Variants in ADGRL2 observed in about 807,000 individuals in gnomAD.
ADGRL2 encodes calcium-independent alpha-latrotoxin receptor 2.
A neutral mutation model predicts 157.4 loss-of-function variants in ADGRL2; 44 were observed. The observed-to-expected ratio is 0.28, with a 90% CI of 0.22 to 0.36. ADGRL2 has a LOEUF of 0.36. ADGRL2 is among the 10% of genes least tolerant of loss of function. ADGRL2 has a pLI of 1.00. For missense variants in ADGRL2, 1,510 were observed against 1,768.9 expected (o/e 0.85, Z 2.63); for synonymous variants, 585 against 624.7 (o/e 0.94, Z 0.95).
intron 1 of ADGRL2, among the ~76,000 whole-genome samples, chr1:81,414,876 G>A (rs147881428): frequency 3.7e-4 from 56 of 152,244 alleles, no homozygotes; most frequent in South Asian, 6.2e-4. Flanking sequence ...CCTCCCAGTT[G>A]CAAAGGAAAA....
At chr1:81,958,444 G>A (rs1461764709) in intron 11 of ADGRL2, among the ~76,000 whole-genome samples, 2 of 151,892 alleles carry the variant, frequency 1.3e-5, no homozygotes, top group South Asian at 2.1e-4. Flanking sequence ...ATTTCTCTAT[G>A]TTCCCACTCC....
chr1:81,764,972 G>A (rs538480256), intron 2 of ADGRL2, among the ~76,000 whole-genome samples: 3 of 152,026 alleles, frequency 2.0e-5, no homozygotes, highest in Non-Finnish European at 2.9e-5. Context: ...TCCATATTTC[G>A]TTGAAAGTCT....
intron 1 of ADGRL2, among the ~76,000 whole-genome samples, chr1:81,351,896 T>C (rs1419546458): frequency 6.6e-6 from 1 of 152,244 alleles, no homozygotes; most frequent in Non-Finnish European, 1.5e-5. Flanking sequence ...TCTAAAATTA[T>C]ACAAAAGTGC....
chr1:81,993,043 CATATATATAATATACATAT>C lies in ADGRL2; in HGVS notation c.*1908_*1926del, dbSNP rs1305122561. ...AGGAATGAGATTTAAAAATTAAGTG[CATATATATAATATACATAT>C]ATATATATATATATATATATATATA... On this transcript the variant is annotated 3_prime_UTR_variant, in exon 24 of 24. Transcript: ENST00000686636. Among the ~76,000 whole-genome samples, 4 of 106,984 alleles carry C rather than the reference CATATATATAATATACATAT, an allele frequency of 3.7e-5. No individual in the cohort carries two copies. The highest frequency in any genetic ancestry group is 1.6e-4 in the African/African-American group (4 of 25,710). 70.2% of individuals were successfully genotyped at this position (106,984 alleles called of 152,430 possible). A position where few individuals can be genotyped will look rare whatever the true frequency, so the allele number is the denominator to read the frequency against.
intron 2 of ADGRL2, among the ~76,000 whole-genome samples, chr1:81,884,585 A>T (rs747342427): frequency 1.3e-5 from 2 of 152,184 alleles, no homozygotes. Context: ...AACACTATGT[A>T]TCTGCTCTTT....
At chr1:81,654,611 C>A (rs1184820217) in intron 3 of ADGRL2, among the ~76,000 whole-genome samples, 1 of 152,208 alleles carries the variant, frequency 6.6e-6, no homozygotes, top group Admixed American at 6.5e-5. Context: ...TATTCAAGAG[C>A]CTTCATGCTT....
chr1:81,570,526 C>T lies in ADGRL2; in HGVS notation c.-247-10350C>T, dbSNP rs2080663654. ...GCCTCAGCCTCCCAAGTAGCTGGGG[C>T]TACAGGCGTGTGCCACCACACCAGG... is the stretch of plus-strand genomic sequence containing the variant. On this transcript the variant is annotated intron_variant, in intron 2 of 24. Coordinates refer to the ADGRL2 transcript ENST00000370721. Among the ~76,000 whole-genome samples, 4 of 152,060 alleles carry T rather than the reference C, an allele frequency of 2.6e-5. No homozygotes were observed. The South Asian group carries it at 8.3e-4, about 32-fold the overall frequency.
intron 2 of ADGRL2, among the ~76,000 whole-genome samples, chr1:81,839,862 TA>T (rs398053166): frequency 6.9e-6 from 1 of 144,910 alleles, no homozygotes; most frequent in Admixed American, 7.0e-5. Flanking sequence ...TATATATATA[TA>T]TTTTCCATCA....
chr1:81,880,928 C>T (rs750050149), intron 2 of ADGRL2, among the ~76,000 whole-genome samples: 5 of 151,778 alleles, frequency 3.3e-5, no homozygotes, highest in Non-Finnish European at 5.9e-5. Context: ...CTTTAACCAG[C>T]GAAGTGGAAT....
intron 6 of ADGRL2, among the ~76,000 whole-genome samples, chr1:81,946,803 C>T (rs1359709862): frequency 6.6e-6 from 1 of 152,132 alleles, no homozygotes; most frequent in Non-Finnish European, 1.5e-5. Flanking sequence ...TGAATAGGTG[C>T]TCGTTTTTGC....
At chr1:81,801,267 C>T (rs1409388053) in intron 1 of ADGRL2, among the ~76,000 whole-genome samples, 199 bp downstream of exon 1, 2 of 152,186 alleles carry the variant, frequency 1.3e-5, no homozygotes, top group African/African-American at 2.4e-5. Flanking sequence ...GAGATTTGTC[C>T]TTTGACGCTG....
At chr1:81,593,693 C>T (rs1052275574) in intron 3 of ADGRL2, among the ~76,000 whole-genome samples, 6 of 152,166 alleles carry the variant, frequency 3.9e-5, no homozygotes, top group Admixed American at 6.5e-5. Context: ...CAAAAATTCA[C>T]GTCTCTTTCC....
chr1:81,365,221 G>T (rs535277450), intron 1 of ADGRL2, among the ~76,000 whole-genome samples: 4 of 152,164 alleles, frequency 2.6e-5, no homozygotes, highest in Admixed American at 6.5e-5. Flanking sequence ...CAAAAGGGAG[G>T]CTAGAAGTCA....
At position 81,642,405 on chromosome 1, in the gene ADGRL2, G is replaced by A. The variant is rs145984755; in HGVS notation, c.-143+61425G>A. Reference sequence around the variant, plus strand: ...ACTGCACTCCAGCCTGAGTGACAGAGCAAGACTCTGTCTCAAAAAAGAAAA... The same window carrying A: ...ACTGCACTCCAGCCTGAGTGACAGAACAAGACTCTGTCTCAAAAAAGAAAA... On this transcript the variant is annotated intron_variant, in intron 3 of 24. Transcript: ENST00000370721. Among the ~76,000 whole-genome samples, 221 of 149,084 alleles carry A rather than the reference G, an allele frequency of 1.5e-3. 5 individuals carry two copies. The highest frequency in any genetic ancestry group is 0.013 in the Admixed American group (195 of 14,902).
intron 2 of ADGRL2, among the ~76,000 whole-genome samples, chr1:81,891,665 TTTATGTAGAG>T (rs2094268364): frequency 6.6e-6 from 1 of 152,142 alleles, no homozygotes; most frequent in Non-Finnish European, 1.5e-5. Flanking sequence ...TGTAAGCACT[TTTATGTAGAG>T]TATTTAACCT....
At chr1:81,499,557 C>T (rs978891205) in intron 2 of ADGRL2, among the ~76,000 whole-genome samples, 39 of 152,304 alleles carry the variant, frequency 2.6e-4, no homozygotes, top group Admixed American at 1.5e-3. Context: ...ACAAAGGTAA[C>T]GTTTCATCAT....
chr1:81,494,135 A>G (rs1277679280), intron 2 of ADGRL2, among the ~76,000 whole-genome samples: 2 of 152,158 alleles, frequency 1.3e-5, no homozygotes, highest in African/African-American at 4.8e-5. Flanking sequence ...TCTCTTGCCT[A>G]AATGCCAATT....
chr1:81,947,210 A>C (rs1285074698), intron 6 of ADGRL2, among the ~76,000 whole-genome samples: 8 of 152,052 alleles, frequency 5.3e-5, no homozygotes, highest in Non-Finnish European at 1.2e-4. Flanking sequence ...GTTTTCTATT[A>C]TTATTTATAG....
At chr1:81,753,380 C>T (rs541053413) in intron 1 of ADGRL2, among the ~76,000 whole-genome samples, 3 of 152,222 alleles carry the variant, frequency 2.0e-5, no homozygotes, top group Non-Finnish European at 2.9e-5. Context: ...GGGAAATACC[C>T]GCCCCCATGA....
Sources: gnomAD v4.1 joint callset for allele counts (sites outside exome capture counted in the v4.1 genomes callset) on GRCh38, gnomAD v4.1.1 for gene constraint, MANE v1.5 for transcripts, NCBI Gene and HGNC (gene_info 2026-07-23, HGNC 2026-07-21) for gene names.